Variants in NSG2 observed in about 807,000 individuals in gnomAD.
NSG2 encodes the protein neuronal vesicle trafficking associated 2, also known as neuronal vesicle trafficking-associated protein 2.
Under a neutral mutation model 16.9 loss-of-function variants are expected in NSG2, and 4 were observed. The observed-to-expected ratio is 0.24, with a 90% CI of 0.12 to 0.54. The LOEUF (loss-of-function observed/expected upper bound fraction) is 0.54. Ranked by LOEUF, NSG2 falls within the 20% of genes least tolerant of loss-of-function variation. NSG2 has a pLI of 0.95. For synonymous variants in NSG2, 98 were observed against 88.7 expected (o/e 1.11, Z -0.59); for missense variants, 179 against 221.1 (o/e 0.81, Z 1.21).
intron 3 of NSG2, among the ~76,000 whole-genome samples, chr5:174,098,565 G>C (rs953008048): frequency 2.6e-5 from 4 of 152,170 alleles, no homozygotes; most frequent in Admixed American, 2.0e-4. Flanking sequence ...GTTGCCTGGA[G>C]CCCAGTCCCC....
intron 3 of NSG2, among the ~76,000 whole-genome samples, chr5:174,079,103 C>T (rs139694989): frequency 2.7e-3 from 416 of 152,150 alleles, no homozygotes; most frequent in Middle Eastern, 6.8e-3. Flanking sequence ...TATGTTCCAC[C>T]AGTCTATACT....
At chr5:174,085,238 G>A (rs1760587963) in intron 3 of NSG2, among the ~76,000 whole-genome samples, 1 of 152,198 alleles carries the variant, frequency 6.6e-6, no homozygotes, top group South Asian at 2.1e-4. Context: ...TCCACCCAAT[G>A]TACCTAGTAG....
At chr5:174,083,155 A>G (rs1431622501) in intron 3 of NSG2, among the ~76,000 whole-genome samples, 1 of 152,058 alleles carries the variant, frequency 6.6e-6, no homozygotes, top group Non-Finnish European at 1.5e-5. Context: ...TGCCATCTCC[A>G]TCACATCGCT....
At chr5:174,064,704 G>A (rs760473526) in intron 3 of NSG2, among the ~76,000 whole-genome samples, 6 of 152,030 alleles carry the variant, frequency 3.9e-5, no homozygotes, top group African/African-American at 1.4e-4. Flanking sequence ...AAGGTGGGGG[G>A]AAGAAAAGCT....
chr5:174,087,184 T>TG (rs1561672033), intron 3 of NSG2, among the ~76,000 whole-genome samples: 1 of 152,314 alleles, frequency 6.6e-6, no homozygotes, highest in African/African-American at 2.4e-5. Context: ...TAATGGGTTT[T>TG]GGGGGGCTTC....
intron 3 of NSG2, among the ~76,000 whole-genome samples, chr5:174,101,832 T>TG (rs1760900070): frequency 6.6e-6 from 1 of 152,214 alleles, no homozygotes; most frequent in Non-Finnish European, 1.5e-5. Context: ...TGGTCTTGGG[T>TG]GGCCTCCTTT....
intron 2 of NSG2, among the ~76,000 whole-genome samples, chr5:174,055,459 G>T (rs775950949): frequency 6.6e-6 from 1 of 152,062 alleles, no homozygotes; most frequent in Non-Finnish European, 1.5e-5. Flanking sequence ...TTAGCTGGGC[G>T]TGGTGGCAGG....
intron 2 of NSG2, among the ~76,000 whole-genome samples, chr5:174,049,631 A>T (rs1461050121): frequency 6.6e-6 from 1 of 152,156 alleles, no homozygotes; most frequent in Non-Finnish European, 1.5e-5. Context: ...GAGCCCAGGC[A>T]GTGCTGTTCC....
At position 174,107,380 on chromosome 5, in the gene NSG2, C is replaced by T. The variant is rs1422383192; in HGVS notation, c.391C>T (p.Arg131Cys). The T allele has an allele frequency of 2.5e-6, 4 of 1,602,940 alleles. No homozygotes were observed. Among genetic ancestry groups the T allele is most frequent in the South Asian group, 1.1e-5 (1 of 90,614 alleles). ...CTCCCAGGACCCCAATTCCAGAAGC[C>T]GCTTCTACACAGTCATCAGCCACTA... ...YSSQDPNSRS[R>C]FYTVISHYSV... Residue 131 changes from arginine to cysteine, a missense_variant, in exon 5 of 5, where the codon CGC becomes TGC. By Grantham distance (180) the Arg-to-Cys change is radical. Transcript: ENST00000303177. The surrounding 1 kb of genome is among the most constrained non-coding windows in gnomAD (Gnocchi z 4.5).
At chr5:174,049,687 G>A (rs968989341) in intron 2 of NSG2, among the ~76,000 whole-genome samples, 1 of 152,182 alleles carries the variant, frequency 6.6e-6, no homozygotes, top group African/African-American at 2.4e-5. Flanking sequence ...CAGCCTGGGA[G>A]TCCCCAGGTG....
intron 3 of NSG2, among the ~76,000 whole-genome samples, chr5:174,085,839 C>G (rs1383804900): frequency 6.6e-6 from 1 of 152,132 alleles, no homozygotes; most frequent in Non-Finnish European, 1.5e-5. Context: ...CCTGGCTGTG[C>G]GAGGCTAGGA....
intron 3 of NSG2, among the ~76,000 whole-genome samples, chr5:174,099,799 C>G (rs1760871093): frequency 6.6e-6 from 1 of 152,188 alleles, no homozygotes. Context: ...TGTCACATCC[C>G]CCAGGAGGAC....
rs1264814573 is a variant in NSG2, at chr5:174,107,039, A to G, written c.325-275A>G. ...GTCTGTGGGGGTCTCTACAGCATCC[A>G]CTACAGCCGGACAGTCAGTATGCAG... On this transcript the variant is annotated intron_variant, in intron 4 of 4. Transcript: ENST00000303177. The surrounding 1 kb of genome is among the most constrained non-coding windows in gnomAD (Gnocchi z 4.5). Among the ~76,000 whole-genome samples, 2 of 152,190 alleles carry G rather than the reference A, an allele frequency of 1.3e-5. No homozygotes were observed. Among genetic ancestry groups the G allele is most frequent in the African/African-American group, 4.8e-5 (2 of 41,458 alleles).
intron 2 of NSG2, among the ~76,000 whole-genome samples, chr5:174,061,410 C>G (rs1760049338): frequency 6.6e-6 from 1 of 152,170 alleles, no homozygotes; most frequent in Non-Finnish European, 1.5e-5. Flanking sequence ...AGCCTAGGAG[C>G]TTTACCATTT....
rs140776227 is a variant in NSG2, at chr5:174,071,683, G to A, written c.213+7368G>A. Among the ~76,000 whole-genome samples, 702 of 152,228 alleles carry A rather than the reference G, an allele frequency of 4.6e-3. 18 individuals carry two copies. The highest frequency in any genetic ancestry group is 0.037 in the Admixed American group (563 of 15,296). ...ACTAGCACTTTATGTGCACTACCCC[G>A]CTGAATGGTCCCAGCACGTCAGGCT... On this transcript the variant is annotated intron_variant, in intron 3 of 4. Coordinates refer to ENST00000303177, the MANE Select transcript of NSG2 (RefSeq NM_015980.5).
At chr5:174,090,984 A>G (rs1760712350) in intron 3 of NSG2, among the ~76,000 whole-genome samples, 1 of 151,942 alleles carries the variant, frequency 6.6e-6, no homozygotes, top group Non-Finnish European at 1.5e-5. Context: ...TTAATTTTCC[A>G]AACCAACTTT....
chr5:174,081,317 A>C (rs537525822), intron 3 of NSG2, among the ~76,000 whole-genome samples: 1 of 151,776 alleles, frequency 6.6e-6, no homozygotes, highest in Admixed American at 6.6e-5. Flanking sequence ...CAGATTTGCT[A>C]TTTCTAGTGT....
chr5:174,089,033 G>A (rs1056940789), intron 3 of NSG2, among the ~76,000 whole-genome samples: 15 of 152,294 alleles, frequency 9.8e-5, no homozygotes, highest in African/African-American at 3.6e-4. Flanking sequence ...AAGGGGCTGA[G>A]TGGATGTGGA....
chr5:174,064,751 T>A (rs1760112445), intron 3 of NSG2, among the ~76,000 whole-genome samples: 1 of 152,142 alleles, frequency 6.6e-6, no homozygotes, highest in Admixed American at 6.5e-5. Flanking sequence ...GTTGGCTTCC[T>A]ATTTCTTGGT....
Sources: gnomAD v4.1 joint callset for allele counts (sites outside exome capture counted in the v4.1 genomes callset) on GRCh38, gnomAD v4.1.1 for gene constraint, Gnocchi (gnomAD v3.1) non-coding constraint, MANE v1.5 for transcripts, NCBI Gene and HGNC (gene_info 2026-07-23, HGNC 2026-07-21) for gene names.